MALRD1: variants seen among roughly 807,000 people sequenced by gnomAD.
MALRD1 encodes the protein MAM and LDL-receptor class A domain-containing protein 1.
In MALRD1, 247 loss-of-function variants were observed where a neutral mutation model predicts 242.1. The observed-to-expected ratio is 1.02, with a 90% confidence interval of 0.92 to 1.13. MALRD1 has a LOEUF of 1.13. Among genes scored for constraint, MALRD1 ranks in the 50% most tolerant of loss-of-function variants. The pLI, the probability that MALRD1 is intolerant of heterozygous loss-of-function variation, is 0.00. For synonymous variants in MALRD1, 995 were observed against 866.6 expected (o/e 1.15, Z -2.60); for missense variants, 2,989 against 2,533.1 (o/e 1.18, Z -3.86).
At chr10:19,071,626 C>T (rs1037112314) in intron 2 of MALRD1, among the ~76,000 whole-genome samples, 2 of 152,080 alleles carry the variant, frequency 1.3e-5, no homozygotes, top group African/African-American at 4.8e-5. Flanking sequence ...CTGAGTTTCC[C>T]AGCTGAGTGA....
At chr10:19,179,631 A>G (rs1835412824) in intron 14 of MALRD1, among the ~76,000 whole-genome samples, 1 of 152,158 alleles carries the variant, frequency 6.6e-6, no homozygotes, top group South Asian at 2.1e-4. Flanking sequence ...CCCCCCCATA[A>G]AAAAGAGGGT....
intron 33 of MALRD1, among the ~76,000 whole-genome samples, chr10:19,590,799 C>T (rs976099348): frequency 6.6e-6 from 1 of 151,910 alleles, no homozygotes; most frequent in African/African-American, 2.4e-5. Context: ...CCATATACTC[C>T]CTGCCCCCAC....
In MALRD1 at chr10:19,607,800, G is replaced by C; in HGVS notation, c.5968G>C (p.Ala1990Pro). 1 of 1,549,386 alleles carries C rather than the reference G, an allele frequency of 6.5e-7. No individual in the cohort carries two copies. The highest frequency in any genetic ancestry group is 8.7e-7 in the Non-Finnish European group (1 of 1,146,394). Residue 1990 changes from alanine (A) to proline (P), a missense_variant, in exon 35 of 40, where the codon GCT becomes CCT. By Grantham distance (27) the Ala-to-Pro change is conservative. Transcript: ENST00000454679. The part of the protein sequence containing the change: ...ICSNKSCSNG[A>P]LVCASSNSCI... ...AGCCAACAAAAGCTGTTCTAATGGA[G>C]CTCTGGTGTGTGCCTCCTCCAACAG...
At chr10:19,137,433 C>T (rs541657953) in intron 10 of MALRD1, among the ~76,000 whole-genome samples, 4 of 151,850 alleles carry the variant, frequency 2.6e-5, no homozygotes, top group East Asian at 2.0e-4. Flanking sequence ...GTGAAACCCC[C>T]GTCTCTACTA....
At chr10:19,314,420 T>C (rs984404657) in intron 21 of MALRD1, among the ~76,000 whole-genome samples, 27 of 151,556 alleles carry the variant, frequency 1.8e-4, no homozygotes, top group Non-Finnish European at 3.4e-4. Context: ...CCAGAAGTTA[T>C]AAGTGTGCCC....
At chr10:19,560,816 G>T (rs887419594) in intron 32 of MALRD1, among the ~76,000 whole-genome samples, 4 of 147,666 alleles carry the variant, frequency 2.7e-5, no homozygotes, top group Admixed American at 2.6e-4. Context: ...CTGTTGGGGT[G>T]GGGGATAGGG....
intron 31 of MALRD1, among the ~76,000 whole-genome samples, chr10:19,513,462 G>A (rs559374548): frequency 2.7e-4 from 40 of 148,810 alleles, no homozygotes; most frequent in African/African-American, 8.9e-4. Flanking sequence ...CAACCTGGCC[G>A]GGCGTGGTGG....
chr10:19,692,297 G>T lies in MALRD1; in HGVS notation c.6153G>T (p.Trp2051Cys). The T allele has an allele frequency of 6.5e-7, 1 of 1,534,850 alleles. No individual in the cohort carries two copies. Among genetic ancestry groups the T allele is most frequent in the Non-Finnish European group, 8.7e-7 (1 of 1,146,164 alleles). The stretch of plus-strand genomic sequence containing the variant: ...TCCTTTCCAGATGTAGACAAGGCTG[G>T]AAAGGAAATCGATGCCATATCAAGT... ...NGPMCRCRQG[W>C]KGNRCHIKFN... The change falls in exon 37 of 40, where the codon TGG (tryptophan) becomes TGT (cysteine). Residue 2051 changes from tryptophan (W) to cysteine (C), a missense_variant. Physicochemically the swap from Trp to Cys is radical, Grantham distance 215. Coordinates refer to ENST00000454679, the MANE Select transcript of MALRD1 (RefSeq NM_001142308.3).
chr10:19,500,575 A>T (rs548914925), intron 31 of MALRD1, among the ~76,000 whole-genome samples: 1 of 152,342 alleles, frequency 6.6e-6, no homozygotes, highest in Admixed American at 6.5e-5. Context: ...TGTAATTTAG[A>T]GCAGAATATT....
intron 14 of MALRD1, among the ~76,000 whole-genome samples, chr10:19,196,543 T>G (rs1264580985): frequency 4.6e-5 from 7 of 151,764 alleles, no homozygotes; most frequent in South Asian, 4.2e-4. Context: ...TTTGTTTTTT[T>G]TTTTTTTTTC....
intron 32 of MALRD1, among the ~76,000 whole-genome samples, chr10:19,543,869 A>T (rs1358043483): frequency 6.6e-6 from 1 of 152,164 alleles, no homozygotes; most frequent in East Asian, 1.9e-4. Flanking sequence ...CTGGGTTTCC[A>T]TCCTCAAGCC....
At chr10:19,568,996 A>G (rs1038705663) in intron 33 of MALRD1, among the ~76,000 whole-genome samples, 4 of 152,134 alleles carry the variant, frequency 2.6e-5, no homozygotes, top group Non-Finnish European at 4.4e-5. Flanking sequence ...TTCTGCCATA[A>G]TGGCTTTATG....
chr10:19,340,524 G>A (rs1391816213), intron 24 of MALRD1, among the ~76,000 whole-genome samples: 1 of 151,938 alleles, frequency 6.6e-6, no homozygotes, highest in Non-Finnish European at 1.5e-5. Flanking sequence ...GAAAGTAAAT[G>A]TTTATTCTCT....
chr10:19,668,836 G>C (rs1841795080), intron 36 of MALRD1, among the ~76,000 whole-genome samples: 1 of 152,140 alleles, frequency 6.6e-6, no homozygotes, highest in African/African-American at 2.4e-5. Context: ...GGTCAATTCA[G>C]AGGGTTCAAT....
intron 29 of MALRD1, among the ~76,000 whole-genome samples, chr10:19,485,334 T>A (rs1359251343): frequency 1.3e-5 from 2 of 152,078 alleles, no homozygotes; most frequent in African/African-American, 4.8e-5. Flanking sequence ...CTTATGAAAA[T>A]TAAAAATATT....
intron 26 of MALRD1, among the ~76,000 whole-genome samples, chr10:19,358,560 G>C (rs1844748413): frequency 6.6e-6 from 1 of 152,100 alleles, no homozygotes; most frequent in Non-Finnish European, 1.5e-5. Flanking sequence ...ACATAAACTT[G>C]GATCTTGACA....
At chr10:19,552,296 A>G (rs1212720840) in intron 32 of MALRD1, among the ~76,000 whole-genome samples, 4 of 151,830 alleles carry the variant, frequency 2.6e-5, no homozygotes, top group Admixed American at 2.0e-4. Flanking sequence ...CAGGGATTCA[A>G]TTTCAGGGTG....
At chr10:19,322,254 T>G (rs1199118149) in intron 21 of MALRD1, among the ~76,000 whole-genome samples, 1 of 152,130 alleles carries the variant, frequency 6.6e-6, no homozygotes, top group East Asian at 1.9e-4. Context: ...TGCGTATCCC[T>G]GTTATACTGG....
chr10:19,313,924 T>G (rs765826001), intron 21 of MALRD1, among the ~76,000 whole-genome samples: 1 of 151,592 alleles, frequency 6.6e-6, no homozygotes, highest in African/African-American at 2.4e-5. Context: ...CAACAAATGT[T>G]GTCATCACAT....
Sources: gnomAD v4.1 joint callset for allele counts (sites outside exome capture counted in the v4.1 genomes callset) on GRCh38, gnomAD v4.1.1 for gene constraint, MANE v1.5 for transcripts, NCBI Gene and HGNC (gene_info 2026-07-23, HGNC 2026-07-21) for gene names.